DNAH5: variants seen among roughly 807,000 people sequenced by gnomAD.
DNAH5 encodes axonemal beta dynein heavy chain 5.
DNAH5 carries 372 observed loss-of-function variants against 518.2 expected under a neutral mutation model. The observed-to-expected ratio is 0.72, with a 90% CI of 0.66 to 0.78. DNAH5 has a LOEUF of 0.78. Among genes scored for constraint, DNAH5 ranks in the 30% least tolerant of loss-of-function variants. DNAH5 has a pLI of 0.00. For synonymous variants in DNAH5, 2,039 were observed against 2,025.9 expected, an observed-to-expected ratio of 1.01 and a Z score of -0.17; for missense variants, 5,523 against 5,687.0, an observed-to-expected ratio of 0.97 and a Z score of 0.93.
intron 55 of DNAH5, among the ~76,000 whole-genome samples, chr5:13,772,516 G>A (rs1753482912): frequency 1.3e-5 from 2 of 152,188 alleles, no homozygotes. Flanking sequence ...TCAGTCAAGA[G>A]GCCAGAAAAC....
At chr5:13,735,982 T>C (rs768729775) in intron 66 of DNAH5, 50 bp from the exon 67 acceptor site, 2 of 1,439,620 alleles carry the variant, frequency 1.4e-6, no homozygotes, top group Non-Finnish European at 9.8e-7. Flanking sequence ...GGAAAATAAA[T>C]GATCCATGCA....
At chr5:13,938,294 T>C (rs1779136151) in intron 1 of DNAH5, among the ~76,000 whole-genome samples, 1 of 152,110 alleles carries the variant, frequency 6.6e-6, no homozygotes, top group Middle Eastern at 3.2e-3. Flanking sequence ...TCAAACACTA[T>C]ATCACAATGC....
chr5:13,961,424 G>C lies in DNAH5; in HGVS notation c.13-30180C>G, dbSNP rs183902478. 5.0e-3 allele frequency among the ~76,000 whole-genome samples: 728 copies of C among 144,392 alleles called. 4 individuals carry two copies. Among genetic ancestry groups the C allele is most frequent in the African/African-American group, 0.017 (691 of 40,876 alleles). The allele number at this position is 144,392 out of a possible 152,430, so 94.7% of individuals were successfully genotyped here. On this transcript the variant is annotated intron_variant, in intron 1 of 78. Transcript: ENST00000681290. ...TTTAGGAGGCTGAGGCGGGCAGATC[G>C]CCTGAGGTTAGGAGTTCAAGACCAG...
Position 13,820,513 on chromosome 5 carries a change from A to G in DNAH5, c.6688-14T>C. The G allele has an allele frequency of 6.2e-7, 1 of 1,613,630 alleles. No homozygotes were observed. On this transcript the variant is annotated splice_polypyrimidine_tract_variant and intron_variant, in intron 40 of 78. Coordinates refer to ENST00000265104, the MANE Select transcript of DNAH5 (RefSeq NM_001369.3). ...AGCTTCTTCAACCTGAAAACATAAG[A>G]GAATCCCCACATTGAAACACAACAA... is the stretch of plus-strand genomic sequence containing the variant.
intron 35 of DNAH5, among the ~76,000 whole-genome samples, chr5:13,831,825 T>C (rs953292475): frequency 6.6e-6 from 1 of 152,182 alleles, no homozygotes; most frequent in African/African-American, 2.4e-5. Context: ...GACACCACAG[T>C]GTGCTCCACA....
chr5:13,993,630 AAAT>A (rs2152076514), intron 1 of DNAH5, among the ~76,000 whole-genome samples: 1 of 152,360 alleles, frequency 6.6e-6, no homozygotes, highest in Admixed American at 6.5e-5. Context: ...TTAAGGGCAT[AAAT>A]AACGTGAATC....
At chr5:14,011,561 C>T (rs1470486386) in intron 1 of DNAH5, among the ~76,000 whole-genome samples, 1 of 152,168 alleles carries the variant, frequency 6.6e-6, no homozygotes, top group African/African-American at 2.4e-5. Context: ...CCCCGCGAGC[C>T]AGGGAACCCC....
At chr5:13,705,180 G>C (rs1415523574) in intron 76 of DNAH5, among the ~76,000 whole-genome samples, 1 of 151,984 alleles carries the variant, frequency 6.6e-6, no homozygotes, top group Non-Finnish European at 1.5e-5. Context: ...TTTTTTAGTA[G>C]AGACGGGGTT....
chr5:13,913,909 G>A lies in DNAH5; in HGVS notation c.1370C>T (p.Pro457Leu), dbSNP rs868197877. 1 of 1,613,378 alleles carries A rather than the reference G, an allele frequency of 6.2e-7. No individual in the cohort carries two copies. The highest frequency in any genetic ancestry group is 8.5e-7 in the Non-Finnish European group (1 of 1,179,462). The change falls in exon 11 of 79, where the codon CCA becomes CTA. Residue 457 changes from proline (P) to leucine (L), a missense_variant. This residue lies in a region of DNAH5 where 5,121 missense variants were observed against 5,223.3 expected (regional missense o/e 0.98). Transcript: ENST00000265104. ...GCTAAAATCAAATTGTTTTGCATTT[G>A]GATTTTGTTTAAGCTTTTGTTTTGT... ...HKTKQKLKQN[P>L]NAKQFDFSEM...
intron 1 of DNAH5, among the ~76,000 whole-genome samples, chr5:13,956,496 T>C (rs903456508): frequency 3.9e-5 from 6 of 152,234 alleles, no homozygotes; most frequent in Admixed American, 2.6e-4. Context: ...ATTTTTGTTA[T>C]TGTCTTTTAT....
intron 1 of DNAH5, 34 bp downstream of exon 1, chr5:13,944,348 C>T (rs1328169675): frequency 1.2e-6 from 2 of 1,608,462 alleles, no homozygotes; most frequent in East Asian, 2.2e-5. Flanking sequence ...TAATCCAAAA[C>T]ACACATGCAA....
chr5:13,838,074 G>A (rs375939162), intron 35 of DNAH5, among the ~76,000 whole-genome samples: 1 of 152,148 alleles, frequency 6.6e-6, no homozygotes, highest in South Asian at 2.1e-4. Context: ...ACAATGTGAT[G>A]TTATGTTATA....
At chr5:13,906,355 G>A (rs1402458311) in intron 12 of DNAH5, among the ~76,000 whole-genome samples, 1 of 152,130 alleles carries the variant, frequency 6.6e-6, no homozygotes, top group Non-Finnish European at 1.5e-5. Context: ...CATTCTGGGG[G>A]AGAGTAGGGG....
At chr5:13,776,326 A>G in intron 55 of DNAH5, 113 bp downstream of exon 55, 3 of 1,402,958 alleles carry the variant, frequency 2.1e-6, no homozygotes, top group Non-Finnish European at 3.0e-6. Context: ...CCTTCCCATG[A>G]CATCCTGGAG....
intron 47 of DNAH5, among the ~76,000 whole-genome samples, chr5:13,796,569 G>T (rs1380846875): frequency 6.6e-6 from 1 of 152,112 alleles, no homozygotes; most frequent in African/African-American, 2.4e-5. Context: ...AAAAATGGAA[G>T]AATATTCCAT....
intron 60 of DNAH5, among the ~76,000 whole-genome samples, chr5:13,759,468 T>G (rs1237545045): frequency 6.6e-6 from 1 of 152,180 alleles, no homozygotes; most frequent in African/African-American, 2.4e-5. Context: ...TATTTAGAAC[T>G]ATCTGCCTAG....
At chr5:13,909,264 A>G (rs1416541745) in intron 12 of DNAH5, among the ~76,000 whole-genome samples, 1 of 152,196 alleles carries the variant, frequency 6.6e-6, no homozygotes, top group Non-Finnish European at 1.5e-5. Context: ...CAAACATAAT[A>G]ATGTTTAATT....
chr5:13,829,460 A>G, intron 38 of DNAH5, 50 bp downstream of exon 38: 1 of 1,583,630 alleles, frequency 6.3e-7, no homozygotes, highest in East Asian at 2.2e-5. Flanking sequence ...ATTCTGCTGA[A>G]TAGAAAAATG....
chr5:13,794,458 A>G (rs1289278198), intron 47 of DNAH5, among the ~76,000 whole-genome samples: 1 of 152,176 alleles, frequency 6.6e-6, no homozygotes, highest in African/African-American at 2.4e-5. Context: ...TGAGGTCTGC[A>G]CTCCGAGCTG....
Sources: gnomAD v4.1 joint callset for allele counts (sites outside exome capture counted in the v4.1 genomes callset) on GRCh38, gnomAD v4.1.1 for gene constraint, gnomAD v4.1.1 regional missense constraint, MANE v1.5 for transcripts, NCBI Gene and HGNC (gene_info 2026-07-23, HGNC 2026-07-21) for gene names.